AGO2: variants seen among roughly 807,000 people sequenced by gnomAD.
AGO2 encodes protein argonaute-2.
In AGO2, 5 loss-of-function variants were observed where a neutral mutation model predicts 102.3. The ratio of observed to expected loss-of-function variants is 0.05; its 90% CI spans 0.03 to 0.10. The LOEUF is 0.10. AGO2 is among the 10% of genes least tolerant of loss of function. The pLI, the probability that AGO2 is intolerant of heterozygous loss-of-function variation, is 1.00. For missense variants in AGO2, 541 were observed against 1,183.7 expected (o/e 0.46, Z 7.97); for synonymous variants, 449 against 473.1 (o/e 0.95, Z 0.66).
intron 1 of AGO2, among the ~76,000 whole-genome samples, chr8:140,626,144 G>A (rs2074274045): frequency 6.6e-6 from 1 of 152,080 alleles, no homozygotes; most frequent in Non-Finnish European, 1.5e-5. Context: ...CGCCCTTTCG[G>A]CGTCGCTCCT....
intron 1 of AGO2, among the ~76,000 whole-genome samples, chr8:140,632,392 G>A (rs2074353221): frequency 6.6e-6 from 1 of 152,236 alleles, no homozygotes; most frequent in Non-Finnish European, 1.5e-5. Context: ...CCTTCATGGG[G>A]ACCACTGAGG....
At chr8:140,638,388 C>G (rs2074423110), upstream of AGO2, 1 of 152,182 alleles carries the variant, frequency 6.6e-6, no homozygotes, top group Non-Finnish European at 1.5e-5. Flanking sequence ...CTTCTCAGAG[C>G]CTGTAGCAAG....
chr8:140,604,379 T>A (rs569236837), intron 1 of AGO2, among the ~76,000 whole-genome samples: 30 of 152,188 alleles, frequency 2.0e-4, no homozygotes, highest in Non-Finnish European at 4.1e-4. Flanking sequence ...CAAATACCGA[T>A]TCAAACACAG....
intron 1 of AGO2, among the ~76,000 whole-genome samples, chr8:140,619,565 G>A (rs746609670): frequency 3.9e-5 from 6 of 152,278 alleles, no homozygotes; most frequent in South Asian, 2.1e-4. Flanking sequence ...CGCTCACTGC[G>A]CCGCAGAGCA....
At position 140,587,292 on chromosome 8, in the gene AGO2, T is replaced by C. The variant is rs1588481912; in HGVS notation, c.23-1981A>G. Among the ~76,000 whole-genome samples, 6 of 152,384 alleles carry C rather than the reference T, an allele frequency of 3.9e-5. No individual in the cohort carries two copies. In the South Asian group the frequency reaches 1.2e-3, roughly 32 times the overall value. On this transcript the variant is annotated intron_variant, in intron 1 of 18. Transcript: ENST00000220592. ...AACATGCAATTTCCTAAGATAGTTC[T>C]TTCTTGCTTCTAGCTTTCAATAATG...
At chr8:140,595,956 AAT>A (rs1491429801) in intron 1 of AGO2, among the ~76,000 whole-genome samples, 1 of 127,710 alleles carries the variant, frequency 7.8e-6, no homozygotes, top group Non-Finnish European at 1.6e-5. Context: ...TTTTATATAT[AAT>A]ATATATAAAT....
chr8:140,601,458 C>A (rs1403355136), intron 1 of AGO2, among the ~76,000 whole-genome samples: 2 of 152,266 alleles, frequency 1.3e-5, no homozygotes, highest in African/African-American at 2.4e-5. Context: ...AGAGAAATGT[C>A]TCTGTTTCTG....
At chr8:140,562,767 C>A in intron 3 of AGO2, 133 bp from the exon 4 acceptor site, 1 of 948,974 alleles carries the variant, frequency 1.1e-6, no homozygotes, top group Non-Finnish European at 1.6e-6. Context: ...AACCACTAGC[C>A]ACATGTGGCT....
At position 140,532,565 on chromosome 8, in the gene AGO2, G is replaced by A. The variant is rs1460662805; in HGVS notation, c.2322C>T (p.Phe774=). The change falls in exon 18 of 19, where the codon TTC becomes TTT. Residue 774 remains phenylalanine (F), a synonymous_variant. Coordinates refer to ENST00000220592, the MANE Select transcript of AGO2 (RefSeq NM_012154.5). ...TTAGGATCTGCAGCTCATCAGAGGA[G>A]AAACGATTGTCGTCCCAGAGGACGT... is the stretch of plus-strand genomic sequence containing the variant. ...HYHVLWDDNR[F]SSDELQILTY... is the part of the protein sequence containing the mutation. The A allele has an allele frequency of 2.5e-6, 4 of 1,614,292 alleles. No homozygotes were observed. The highest frequency in any genetic ancestry group is 1.1e-5 in the South Asian group (1 of 91,092).
At position 140,553,404 on chromosome 8, in the gene AGO2, G is replaced by GTTTTTTTTTTTTTTTTTTTT. The variant is rs1386366277; in HGVS notation, c.1270-1969_1270-1968insAAAAAAAAAAAAAAAAAAAA. Among the ~76,000 whole-genome samples the GTTTTTTTTTTTTTTTTTTTT allele has an allele frequency of 2.9e-5, 3 of 101,704 alleles. 1 individual carries two copies. Among genetic ancestry groups the GTTTTTTTTTTTTTTTTTTTT allele is most frequent in the African/African-American group, 1.5e-4 (3 of 20,576 alleles). 66.7% of individuals were successfully genotyped at this position (101,704 alleles called of 152,430 possible). On this transcript the variant is annotated intron_variant, in intron 10 of 18. Transcript: ENST00000220592. ...GCCTCAAACAAGTTACAAGTTTTTT[G>GTTTTTTTTTTTTTTTTTTTT]TTTTTTGTTTTTTTTTTTTTTTGAG... is the stretch of plus-strand genomic sequence containing the variant.
intron 11 of AGO2, among the ~76,000 whole-genome samples, chr8:140,551,051 C>T (rs1382985764): frequency 2.6e-5 from 4 of 152,358 alleles, no homozygotes; most frequent in South Asian, 2.1e-4. Context: ...GTTTTGTCTA[C>T]GGTCTGCGTT....
At chr8:140,532,377 C>A in intron 18 of AGO2, 39 bp downstream of exon 18, 1 of 1,584,380 alleles carries the variant, frequency 6.3e-7, no homozygotes, top group Non-Finnish European at 8.6e-7. Context: ...GTGGCAAAAA[C>A]CACCCCTGCT....
intron 1 of AGO2, among the ~76,000 whole-genome samples, chr8:140,595,656 CTATA>C (rs1362125503): frequency 1.6e-5 from 2 of 124,514 alleles, no homozygotes; most frequent in Admixed American, 9.0e-5. Flanking sequence ...ATATGCCAGG[CTATA>C]TATATTATAT....
intron 1 of AGO2, among the ~76,000 whole-genome samples, chr8:140,595,967 ATT>A (rs1491430342): frequency 9.0e-5 from 7 of 78,148 alleles, no homozygotes; most frequent in East Asian, 5.7e-4. Context: ...ATATATATAA[ATT>A]ATATATATTA....
chr8:140,557,574 C>G lies in AGO2; in HGVS notation c.879-338G>C, dbSNP rs1258455806. ...CAGCAGACCGTGGTGACCCTGGAAG[C>G]CTTTTACGTGCCGCGCGCTCCCGGT... On this transcript the variant is annotated intron_variant, in intron 7 of 18. Coordinates refer to ENST00000220592, the MANE Select transcript of AGO2 (RefSeq NM_012154.5). The surrounding 1 kb of genome is among the most constrained non-coding windows in gnomAD (Gnocchi z 5.9). 1.3e-5 allele frequency among the ~76,000 whole-genome samples: 2 copies of G among 152,194 alleles called. No homozygotes were observed. The highest frequency in any genetic ancestry group is 2.9e-5 in the Non-Finnish European group (2 of 68,040).
intron 16 of AGO2, among the ~76,000 whole-genome samples, chr8:140,537,952 G>C (rs2072725920): frequency 6.6e-6 from 1 of 152,088 alleles, no homozygotes; most frequent in Admixed American, 6.5e-5. Flanking sequence ...CCGAGTACCT[G>C]GGACTACAGG....
chr8:140,575,832 G>T lies in AGO2; in HGVS notation c.216-2900C>A, dbSNP rs547376660. Among the ~76,000 whole-genome samples, 27 of 152,214 alleles carry T rather than the reference G, an allele frequency of 1.8e-4. 1 individual carries two copies. The highest frequency in any genetic ancestry group is 6.3e-4 in the African/African-American group (26 of 41,544). On this transcript the variant is annotated intron_variant, in intron 2 of 18. Transcript: ENST00000220592. ...TATAAAATTAATTAACATGAAACAG[G>T]TTATAAACCTAAAAGCTATAACTGA...
At chr8:140,552,911 A>G (rs1369043503) in intron 10 of AGO2, among the ~76,000 whole-genome samples, 2 of 152,192 alleles carry the variant, frequency 1.3e-5, no homozygotes, top group Non-Finnish European at 2.9e-5. Context: ...GTCTCCAGAC[A>G]CTGCCAGATG....
the AGO2 span, among the ~76,000 whole-genome samples, chr8:140,642,238 G>A: frequency 5.3e-5 from 8 of 152,268 alleles, no homozygotes; most frequent in East Asian, 9.7e-4. Flanking sequence ...CACTGACATC[G>A]TGCTTTGTGT....
Sources: gnomAD v4.1 joint callset for allele counts (sites outside exome capture counted in the v4.1 genomes callset) on GRCh38, gnomAD v4.1.1 for gene constraint, Gnocchi (gnomAD v3.1) non-coding constraint, MANE v1.5 for transcripts, NCBI Gene and HGNC (gene_info 2026-07-23, HGNC 2026-07-21) for gene names.